The following FAF1 variants were observed in gnomAD, a reference collection of about 807,000 sequenced individuals.
FAF1 encodes Fas associated factor 1.
Under a neutral mutation model 92.5 loss-of-function variants are expected in FAF1, and 25 were observed. The observed-to-expected ratio is 0.27, with a 90% CI of 0.20 to 0.38. FAF1 has a LOEUF of 0.38. FAF1 is among the 10% of genes least tolerant of loss of function. The probability of loss-of-function intolerance (pLI) is 1.00; values close to 1 mark genes in which losing one functional copy is unlikely to be tolerated. For missense variants in FAF1, 636 were observed against 793.3 expected (o/e 0.80, Z 2.38); for synonymous variants, 234 against 273.2 (o/e 0.86, Z 1.42).
intron 1 of FAF1, among the ~76,000 whole-genome samples, chr1:50,908,880 G>A (rs913383210): frequency 3.3e-5 from 5 of 152,074 alleles, no homozygotes; most frequent in Non-Finnish European, 1.5e-5. Flanking sequence ...TTACATTTAA[G>A]GTTAATATTG....
chr1:50,667,562 G>A (rs1655691220), intron 7 of FAF1, among the ~76,000 whole-genome samples: 1 of 152,152 alleles, frequency 6.6e-6, no homozygotes, highest in Admixed American at 6.5e-5. Context: ...ATGTAAAACA[G>A]TGCCATTAAT....
At chr1:50,823,124 G>A (rs944784466) in intron 2 of FAF1, among the ~76,000 whole-genome samples, 2 of 152,106 alleles carry the variant, frequency 1.3e-5, no homozygotes, top group Non-Finnish European at 2.9e-5. Context: ...CAGTATGCAA[G>A]GGAAGATTTT....
chr1:50,688,936 G>A (rs1031676154), intron 7 of FAF1, among the ~76,000 whole-genome samples: 2 of 152,190 alleles, frequency 1.3e-5, no homozygotes, highest in Non-Finnish European at 2.9e-5. Context: ...GCCACATACT[G>A]TATGATTCCA....
At chr1:50,443,560 A>C (rs192912981) in intron 18 of FAF1, among the ~76,000 whole-genome samples, 5 of 152,366 alleles carry the variant, frequency 3.3e-5, no homozygotes. Flanking sequence ...ACAGTGGTTA[A>C]AAAGAGTGAA....
At chr1:50,917,470 A>G (rs1038425788) in intron 1 of FAF1, among the ~76,000 whole-genome samples, 2 of 152,150 alleles carry the variant, frequency 1.3e-5, no homozygotes, top group African/African-American at 4.8e-5. Flanking sequence ...GGCCTCAAAC[A>G]TAATGCCAGA....
At chr1:50,834,565 T>A (rs1644183732) in intron 2 of FAF1, among the ~76,000 whole-genome samples, 1 of 152,218 alleles carries the variant, frequency 6.6e-6, no homozygotes, top group South Asian at 2.1e-4. Context: ...TAAGAAAGTA[T>A]GGCAAATAAG....
chr1:50,660,315 G>A (rs1192538234), intron 7 of FAF1, among the ~76,000 whole-genome samples: 2 of 152,106 alleles, frequency 1.3e-5, no homozygotes, highest in African/African-American at 4.8e-5. Context: ...ATAAAATTCA[G>A]TAGATAACAT....
chr1:50,874,949 G>A (rs763853885), intron 1 of FAF1, among the ~76,000 whole-genome samples: 24 of 150,464 alleles, frequency 1.6e-4, no homozygotes, highest in African/African-American at 3.9e-4. Flanking sequence ...TTTGTTTTTC[G>A]TTTTCTGTTT....
At chr1:50,662,572 A>G (rs1029820880) in intron 7 of FAF1, among the ~76,000 whole-genome samples, 1 of 151,984 alleles carries the variant, frequency 6.6e-6, no homozygotes, top group East Asian at 1.9e-4. Context: ...TATGTTGATA[A>G]TTTCCTATAC....
intron 1 of FAF1, among the ~76,000 whole-genome samples, chr1:50,900,662 A>T (rs1644789192): frequency 6.6e-6 from 1 of 152,172 alleles, no homozygotes; most frequent in African/African-American, 2.4e-5. Context: ...ATTAAGCAAC[A>T]AGCTCACAGC....
At chr1:50,705,018 AG>A (rs1442390154) in intron 7 of FAF1, among the ~76,000 whole-genome samples, 1 of 152,254 alleles carries the variant, frequency 6.6e-6, no homozygotes, top group Admixed American at 6.5e-5. Flanking sequence ...AATTCTCTTT[AG>A]AAAAATTAGT....
intron 15 of FAF1, among the ~76,000 whole-genome samples, chr1:50,512,296 A>C (rs1348091979): frequency 6.6e-6 from 1 of 152,142 alleles, no homozygotes; most frequent in African/African-American, 2.4e-5. Context: ...TTGGTGTTTT[A>C]GTTATGAAGT....
intron 1 of FAF1, among the ~76,000 whole-genome samples, chr1:50,887,643 C>T (rs144246325): frequency 0.013 from 1,983 of 152,204 alleles, 43 homozygotes; most frequent in African/African-American, 0.044. Flanking sequence ...GAATCCTTTC[C>T]CCATTTCTTG....
intron 15 of FAF1, among the ~76,000 whole-genome samples, chr1:50,498,237 T>C (rs1646925557): frequency 6.6e-6 from 1 of 152,044 alleles, no homozygotes; most frequent in Admixed American, 6.6e-5. Flanking sequence ...ACCCTCATCA[T>C]ACCTCATATT....
At chr1:50,738,816 C>T (rs79710143) in intron 6 of FAF1, 47 bp downstream of exon 6, 15,316 of 1,274,456 alleles carry the variant, frequency 0.012, 154 homozygotes, top group Non-Finnish European at 0.015. Context: ...GCAATTTTAA[C>T]AACTGAGTTT....
At chr1:50,947,409 T>C (rs1467231847) in intron 1 of FAF1, among the ~76,000 whole-genome samples, 4 of 152,354 alleles carry the variant, frequency 2.6e-5, no homozygotes, top group South Asian at 4.1e-4. Context: ...TCATTCTTCC[T>C]ATCTCTATTA....
At chr1:50,809,243 A>G (rs1345647862) in intron 2 of FAF1, among the ~76,000 whole-genome samples, 5 of 152,140 alleles carry the variant, frequency 3.3e-5, no homozygotes, top group African/African-American at 9.6e-5. Flanking sequence ...CCACAAAGCT[A>G]GCAGAATAAC....
intron 13 of FAF1, among the ~76,000 whole-genome samples, chr1:50,541,903 A>T (rs1258399042): frequency 6.6e-6 from 1 of 152,228 alleles, no homozygotes; most frequent in Non-Finnish European, 1.5e-5. Flanking sequence ...TAAAATAATT[A>T]TGAAAATGTA....
At chr1:50,951,314 C>A (rs1351954817) in intron 1 of FAF1, among the ~76,000 whole-genome samples, 1 of 152,204 alleles carries the variant, frequency 6.6e-6, no homozygotes, top group Non-Finnish European at 1.5e-5. Context: ...GTCTCAATTT[C>A]CACAAAGGGA....
Sources: allele counts gnomAD v4.1 joint callset (sites outside exome capture counted in the v4.1 genomes callset), GRCh38; gene constraint gnomAD v4.1.1; transcripts MANE v1.5; gene names NCBI Gene and HGNC (gene_info 2026-07-23, HGNC 2026-07-21).